The following EXD3 variants were observed in gnomAD, a reference collection of about 807,000 sequenced individuals.
EXD3 encodes the protein exonuclease 3'-5' domain containing 3, also known as exonuclease mut-7 homolog.
A neutral mutation model predicts 98.0 loss-of-function variants in EXD3; 92 were observed. The observed-to-expected ratio is 0.94, with a 90% CI of 0.79 to 1.12. The LOEUF is 1.12. Ranked by LOEUF, EXD3 falls within the 50% of genes most tolerant of loss-of-function variation. The probability of loss-of-function intolerance (pLI) is 0.00; values close to 1 mark genes in which losing one functional copy is unlikely to be tolerated. For synonymous variants in EXD3, 569 were observed against 526.0 expected, an observed-to-expected ratio of 1.08 and a Z score of -1.12; for missense variants, 1,222 against 1,191.6, an observed-to-expected ratio of 1.03 and a Z score of -0.38.
At chr9:137,379,091 T>G (rs35114045) in intron 3 of EXD3, among the ~76,000 whole-genome samples, 2 of 87,810 alleles carry the variant, frequency 2.3e-5, no homozygotes, top group Admixed American at 1.3e-4. Flanking sequence ...TGGGTGACGG[T>G]GACCATTGCC....
Position 137,371,902 on chromosome 9 carries a change from C to A in EXD3, c.462+1003G>T, listed in dbSNP as rs1835634470. Reference sequence around the variant, plus strand: ...CTGCAGGAACAGCTCAGAGCCACCCCACGCAAGACGGCCGCCTCCCTACCC... The same window carrying A: ...CTGCAGGAACAGCTCAGAGCCACCCAACGCAAGACGGCCGCCTCCCTACCC... On this transcript the variant is annotated intron_variant, in intron 5 of 21. Transcript: ENST00000340951. The surrounding 1 kb of genome is among the most constrained non-coding windows in gnomAD (Gnocchi z 8.0). Among the ~76,000 whole-genome samples, 1 of 152,056 alleles carries A rather than the reference C, an allele frequency of 6.6e-6. No homozygotes were observed. Among genetic ancestry groups the A allele is most frequent in the Non-Finnish European group, 1.5e-5 (1 of 67,998 alleles).
chr9:137,316,503 G>A (rs943404456), intron 19 of EXD3, among the ~76,000 whole-genome samples: 1 of 152,200 alleles, frequency 6.6e-6, no homozygotes, highest in Non-Finnish European at 1.5e-5. Context: ...GGCAGCAGGT[G>A]GCAGGCCCTG....
At chr9:137,352,418 G>A (rs1588325385) in intron 11 of EXD3, among the ~76,000 whole-genome samples, 3 of 152,296 alleles carry the variant, frequency 2.0e-5, no homozygotes, top group Admixed American at 2.0e-4. Flanking sequence ...CTCATGGGTC[G>A]GGCTGGCCAT....
At position 137,323,520 on chromosome 9, in the gene EXD3, GACCCACGAGGGA is replaced by G. The variant is rs1832191286; in HGVS notation, c.2184+193_2184+204del. The stretch of plus-strand genomic sequence containing the variant: ...GATGATCTGCCGACACCTCACCCCG[GACCCACGAGGGA>G]TGATCTGCCGACACCTCACCCCGGA... On this transcript the variant is annotated intron_variant, in intron 19 of 21. Transcript: ENST00000340951. Among the ~76,000 whole-genome samples the G allele has an allele frequency of 2.0e-5, 2 of 101,996 alleles. 1 individual carries two copies. The highest frequency in any genetic ancestry group is 1.1e-4 in the African/African-American group (2 of 18,106). 66.9% of individuals were successfully genotyped at this position (101,996 alleles called of 152,430 possible).
At chr9:137,369,175 C>T (rs1226747335) in intron 5 of EXD3, among the ~76,000 whole-genome samples, 44 of 108,628 alleles carry the variant, frequency 4.1e-4, no homozygotes, top group Non-Finnish European at 7.1e-4. Context: ...TGGGAAGGGG[C>T]GCAGGGCCGG....
chr9:137,379,596 G>A (rs1456355621), intron 3 of EXD3, among the ~76,000 whole-genome samples: 1 of 151,966 alleles, frequency 6.6e-6, no homozygotes, highest in Non-Finnish European at 1.5e-5. Context: ...GAGGTGCACA[G>A]GTTGTGAAGA....
At chr9:137,317,336 G>C in intron 19 of EXD3, among the ~76,000 whole-genome samples, 1 of 152,124 alleles carries the variant, frequency 6.6e-6, no homozygotes, top group East Asian at 1.9e-4. Flanking sequence ...TCCCTCCTGC[G>C]TGCACCCCTG....
At chr9:137,326,974 T>C (rs1381875769) in intron 17 of EXD3, among the ~76,000 whole-genome samples, 1 of 151,632 alleles carries the variant, frequency 6.6e-6, no homozygotes, top group Non-Finnish European at 1.5e-5. Context: ...AATAAACCCT[T>C]ACGACACGCC....
intron 1 of EXD3, among the ~76,000 whole-genome samples, chr9:137,419,048 T>C (rs1295942380): frequency 6.6e-6 from 1 of 152,130 alleles, no homozygotes; most frequent in Non-Finnish European, 1.5e-5. Context: ...AACTTGGATA[T>C]AACAAATAGG....
chr9:137,356,181 G>A (rs13293922), intron 8 of EXD3, 87 bp downstream of exon 8: 597,743 of 1,002,044 alleles, frequency 0.6, 185,360 homozygotes, highest in East Asian at 0.81. Flanking sequence ...CCTGAACAAC[G>A]GGCAGCCCCA....
Position 137,323,577 on chromosome 9 carries a change from C to T in EXD3, c.2184+148G>A, listed in dbSNP as rs1326192085. On this transcript the variant is annotated intron_variant, in intron 19 of 21. Coordinates refer to ENST00000340951, the MANE Select transcript of EXD3 (RefSeq NM_017820.5). The stretch of plus-strand genomic sequence containing the variant: ...CCCGGACCCACGAGGGATGCTCTGC[C>T]GACACCTCACCCTGGACCACGAGGG... 2.4e-5 allele frequency: 27 copies of T among 1,138,818 alleles called. No homozygotes were observed. The African/African-American group carries it at 2.9e-4, about 12-fold the overall frequency. 70.5% of individuals were successfully genotyped at this position (1,138,818 alleles called of 1,614,324 possible).
rs367937698 is a variant in EXD3, at chr9:137,352,069, C to A, written c.1170G>T (p.Leu390=). Residue 390 remains leucine (L), a synonymous_variant, in exon 12 of 22, where the codon CTG becomes CTT. Coordinates refer to ENST00000340951, the MANE Select transcript of EXD3 (RefSeq NM_017820.5). ...EDLTRHEGAL[L]QCHQVVGVDV... ...CCCCAGCGGCCGAGGGAACCACCTG[C>A]AGGAGTGCACCCTCGTGTCTGGTCA... The A allele has an allele frequency of 9.9e-6, 16 of 1,611,082 alleles. No homozygotes were observed. Among genetic ancestry groups the A allele is most frequent in the Admixed American group, 3.4e-5 (2 of 59,660 alleles).
Position 137,373,074 on chromosome 9 carries a change from T to G in EXD3, c.295-2A>C, listed in dbSNP as rs1302646836. 6 of 1,564,814 alleles carry G rather than the reference T, an allele frequency of 3.8e-6. No homozygotes were observed. The South Asian group carries it at 7.1e-5, about 18-fold the overall frequency. ...CAGCTGCTTCAGCCTCAGGCTGTGC[T>G]GGAAGAGCAGGGACCCAGACTTACT... On this transcript the variant is annotated splice_acceptor_variant, in intron 4 of 21. Coordinates refer to ENST00000340951, the MANE Select transcript of EXD3 (RefSeq NM_017820.5). LOFTEE classifies it high-confidence loss of function.
intron 17 of EXD3, among the ~76,000 whole-genome samples, chr9:137,330,162 C>G (rs566786840): frequency 3.7e-5 from 5 of 134,030 alleles, no homozygotes; most frequent in Non-Finnish European, 6.3e-5. Context: ...CTACACAGGA[C>G]TACACCGGAG....
chr9:137,386,317 G>A (rs961835070), intron 2 of EXD3, among the ~76,000 whole-genome samples: 1 of 151,984 alleles, frequency 6.6e-6, no homozygotes, highest in Non-Finnish European at 1.5e-5. Context: ...CAATAAGCAG[G>A]GTGTCCTTAT....
intron 12 of EXD3, among the ~76,000 whole-genome samples, chr9:137,351,769 G>A (rs1238984998): frequency 6.6e-6 from 1 of 152,252 alleles, no homozygotes. Context: ...CTGGCCTGGT[G>A]CCCACGGCAG....
At chr9:137,408,818 G>A (rs950714148) in intron 1 of EXD3, among the ~76,000 whole-genome samples, 7 of 152,182 alleles carry the variant, frequency 4.6e-5, no homozygotes, top group East Asian at 1.9e-4. Flanking sequence ...CCAGGCCAGC[G>A]GGCGCACAGG....
chr9:137,330,163 T>G (rs939876311), intron 17 of EXD3, among the ~76,000 whole-genome samples: 2 of 118,066 alleles, frequency 1.7e-5, no homozygotes, highest in Admixed American at 1.9e-4. Flanking sequence ...TACACAGGAC[T>G]ACACCGGAGC....
chr9:137,419,476 C>T (rs963472899), intron 1 of EXD3, among the ~76,000 whole-genome samples: 44 of 151,786 alleles, frequency 2.9e-4, no homozygotes, highest in Non-Finnish European at 2.6e-4. Flanking sequence ...TCGAAACCAG[C>T]CAGGCCAATG....
Sources: gnomAD v4.1 joint callset for allele counts (sites outside exome capture counted in the v4.1 genomes callset) on GRCh38, gnomAD v4.1.1 for gene constraint, Gnocchi (gnomAD v3.1) non-coding constraint, MANE v1.5 for transcripts, NCBI Gene and HGNC (gene_info 2026-07-23, HGNC 2026-07-21) for gene names.